GPR119: variants seen among roughly 807,000 people sequenced by gnomAD.
GPR119 encodes the protein G protein-coupled receptor 119.
In GPR119, 7 loss-of-function variants were observed where a neutral mutation model predicts 13.3. That is an observed-to-expected ratio of 0.53 (90% CI 0.30 to 0.99). GPR119 has a LOEUF of 0.99. Ranked by LOEUF, GPR119 falls within the 50% of genes least tolerant of loss-of-function variation. The probability of loss-of-function intolerance (pLI) is 0.06; values close to 1 mark genes in which losing one functional copy is unlikely to be tolerated. For synonymous variants in GPR119, 107 were observed against 112.5 expected (o/e 0.95, Z 0.31); for missense variants, 197 against 263.0 (o/e 0.75, Z 1.74).
At position 130,385,526 on chromosome X, in the gene GPR119, G is replaced by C. The variant is rs1360589142; in HGVS notation, c.-79C>G. The C allele has an allele frequency of 9.8e-6, 10 of 1,016,595 alleles. No homozygotes were observed. Among genetic ancestry groups the C allele is most frequent in the African/African-American group, 1.9e-5 (1 of 53,582 alleles). 83.8% of individuals were successfully genotyped at this position (1,016,595 alleles called of 1,213,427 possible). On this transcript the variant is annotated 5_prime_UTR_variant, in exon 1 of 2. Coordinates refer to ENST00000682440, the MANE Select transcript of GPR119 (RefSeq NM_178471.3). ...ATTCTCATGGGCCAGGGGCAGAGGA[G>C]CTGTGGGTTCAGAGCTACAGCACGA...
At position 130,381,965 on chromosome X, in the gene GPR119, C is replaced by T. The variant is rs1319323421; in HGVS notation, c.*591G>A. Among the ~76,000 whole-genome samples the T allele has an allele frequency of 9.0e-6, 1 of 111,068 alleles. No individual in the cohort carries two copies. The highest frequency in any genetic ancestry group is 3.3e-5 in the African/African-American group (1 of 30,567). On this transcript the variant is annotated 3_prime_UTR_variant, in exon 2 of 2. Coordinates refer to ENST00000682440, the MANE Select transcript of GPR119 (RefSeq NM_178471.3). ...TTTTTCCATTGCACATACTGACTCCCAGGGGTAGCAGAGTTTCTTAGATTG... is the reference window on the plus strand; with the variant it reads ...TTTTTCCATTGCACATACTGACTCCTAGGGGTAGCAGAGTTTCTTAGATTG...
rs1301775179 is a variant in GPR119, at chrX:130,385,409, G to C, written c.39C>G (p.Val13=). The C allele has an allele frequency of 8.3e-7, 1 of 1,211,311 alleles. No individual in the cohort carries two copies. The highest frequency in any genetic ancestry group is 2.3e-4 in the Middle Eastern group (1 of 4,348). Residue 13 remains valine (V), a synonymous_variant, in exon 1 of 2, where the codon GTC becomes GTG. Transcript: ENST00000682440. ...SSFSFGVILA[V]LASLIIATNT... ...TAGTAGCAATGATGAGGGAGGCCAG[G>C]ACAGCAAGGATCACTCCAAATGAGA...
chrX:130,382,463 C>CAAA lies in GPR119; in HGVS notation c.*90_*92dup, dbSNP rs1207517577. Among the ~76,000 whole-genome samples the CAAA allele has an allele frequency of 9.0e-6, 1 of 111,618 alleles. No homozygotes were observed. Among genetic ancestry groups the CAAA allele is most frequent in the African/African-American group, 3.3e-5 (1 of 30,698 alleles). Reference sequence around the variant, plus strand: ...TGGGTTCCATCGTCCACTTGAGAGTCAAAAAGTTCTTCAGTTGTAGGAACA... The same window carrying CAAA: ...TGGGTTCCATCGTCCACTTGAGAGTCAAAAAAAAGTTCTTCAGTTGTAGGAACA... On this transcript the variant is annotated 3_prime_UTR_variant, in exon 2 of 2. Coordinates refer to ENST00000682440, the MANE Select transcript of GPR119 (RefSeq NM_178471.3).
Position 130,381,600 on chromosome X carries a change from T to C in GPR119, c.*956A>G, listed in dbSNP as rs1312869398. On this transcript the variant is annotated 3_prime_UTR_variant, in exon 2 of 2. Coordinates refer to ENST00000682440, the MANE Select transcript of GPR119 (RefSeq NM_178471.3). ...TGAATCACCTCTCATCACTCATTTT[T>C]AAAAATCTTATTCAGAGGTTGAGGA... is the stretch of plus-strand genomic sequence containing the variant. 2.7e-5 allele frequency among the ~76,000 whole-genome samples: 3 copies of C among 112,082 alleles called. No homozygotes were observed. The highest frequency in any genetic ancestry group is 5.6e-5 in the Non-Finnish European group (3 of 53,270).
At chrX:130,383,663 T>C (rs182471245) in intron 1 of GPR119, among the ~76,000 whole-genome samples, 69 of 112,831 alleles carry the variant, frequency 6.1e-4, no homozygotes, top group Admixed American at 5.6e-3. Flanking sequence ...TTTAGAGGAA[T>C]TGAGGTTTCT....
rs899982415 is a variant in GPR119 at position 130,385,507 on chromosome X, A to G, written c.-60T>C. Reference sequence around the variant, plus strand: ...TGCTATCTCTCCAGCTGAAATTCTCATGGGCCAGGGGCAGAGGAGCTGTGG... The same window carrying G: ...TGCTATCTCTCCAGCTGAAATTCTCGTGGGCCAGGGGCAGAGGAGCTGTGG... On this transcript the variant is annotated 5_prime_UTR_variant, in exon 1 of 2. It removes an upstream start codon present in the reference 5' UTR. Transcript: ENST00000682440. 88 of 1,095,109 alleles carry G rather than the reference A, an allele frequency of 8.0e-5. No homozygotes were observed. Among genetic ancestry groups the G allele is most frequent in the Non-Finnish European group, 1.1e-4 (86 of 800,721 alleles). 90.2% of individuals were successfully genotyped at this position (1,095,109 alleles called of 1,213,427 possible).
At chrX:130,383,233 G>C (rs1406572161) in intron 1 of GPR119, among the ~76,000 whole-genome samples, 1 of 111,946 alleles carries the variant, frequency 8.9e-6, no homozygotes, top group Non-Finnish European at 1.9e-5. Context: ...TGCCCAGAGG[G>C]AAACTGAGCA....
In GPR119 at chrX:130,385,307, C is replaced by T. The variant is rs143653619; in HGVS notation, c.141G>A (p.Leu47=). The T allele has an allele frequency of 2.0e-4, 239 of 1,210,623 alleles. No homozygotes were observed. Among genetic ancestry groups the T allele is most frequent in the Middle Eastern group, 9.2e-4 (4 of 4,369 alleles). The change falls in exon 1 of 2, where the codon CTG becomes CTA. Residue 47 remains leucine, a synonymous_variant. Coordinates refer to ENST00000682440, the MANE Select transcript of GPR119 (RefSeq NM_178471.3). ...DGVSLCFTLN[L]AVADTLIGVA... Reference sequence around the variant, plus strand: ...CACCAATCAAGGTGTCAGCCACAGCCAGATTCAAGGTGAAGCAGAGACTGA... The same window carrying T: ...CACCAATCAAGGTGTCAGCCACAGCTAGATTCAAGGTGAAGCAGAGACTGA...
rs1230799207 is a variant in GPR119, at chrX:130,384,721, T to C, written c.727A>G (p.Ile243Val). ...CAGGCCACCTGCACAATGCCAGTGA[T>C]AAGGAAGGGGGTCCAGGATAGAGCA... The part of the protein sequence containing the change: ...SFALSWTPFL[I>V]TGIVQVACQE... The change falls in exon 1 of 2, where the codon ATC becomes GTC. Residue 243 changes from isoleucine to valine, a missense_variant. Physicochemically the swap from Ile to Val is conservative, Grantham distance 29 (BLOSUM62 3). Coordinates refer to ENST00000682440, the MANE Select transcript of GPR119 (RefSeq NM_178471.3). The C allele has an allele frequency of 8.3e-7, 1 of 1,209,764 alleles. No individual in the cohort carries two copies. The highest frequency in any genetic ancestry group is 1.1e-6 in the Non-Finnish European group (1 of 895,190).
chrX:130,382,761 A>G (rs767527312), intron 1 of GPR119, among the ~76,000 whole-genome samples: 3 of 111,274 alleles, frequency 2.7e-5, no homozygotes, highest in Non-Finnish European at 5.7e-5. Context: ...GAATTAAGAA[A>G]ATCCGAGTGC....
intron 1 of GPR119, among the ~76,000 whole-genome samples, chrX:130,382,894 C>T (rs1306582598): frequency 2.7e-5 from 3 of 111,159 alleles, no homozygotes; most frequent in South Asian, 7.7e-4. Context: ...AGCCATTACA[C>T]GTTGGATTCA....
At position 130,380,348 on chromosome X, in the gene GPR119, T is replaced by C. The variant is rs2034353342; in HGVS notation, c.*2208A>G. On this transcript the variant is annotated 3_prime_UTR_variant, in exon 2 of 2. Coordinates refer to ENST00000682440, the MANE Select transcript of GPR119 (RefSeq NM_178471.3). ...GGAGAAGATATCCCAAGGCTATCTC[T>C]GGCTGACACTGGACATATGGACAAG... 1.8e-5 allele frequency among the ~76,000 whole-genome samples: 2 copies of C among 112,317 alleles called. No individual in the cohort carries two copies. Among genetic ancestry groups the C allele is most frequent in the South Asian group, 7.5e-4 (2 of 2,683 alleles).
Position 130,381,987 on chromosome X carries a change from A to G in GPR119, c.*569T>C, listed in dbSNP as rs2034360745. 9.0e-6 allele frequency among the ~76,000 whole-genome samples: 1 copy of G among 110,907 alleles called. No individual in the cohort carries two copies. The highest frequency in any genetic ancestry group is 3.3e-5 in the African/African-American group (1 of 30,485). ...TCCCAGGGGTAGCAGAGTTTCTTAG[A>G]TTGAACCTAATAACACACTGATCAC... is the stretch of plus-strand genomic sequence containing the variant. On this transcript the variant is annotated 3_prime_UTR_variant, in exon 2 of 2. Transcript: ENST00000682440.
rs528824037 is a variant in GPR119 at position 130,381,027 on chromosome X, G to A, written c.*1529C>T. On this transcript the variant is annotated 3_prime_UTR_variant, in exon 2 of 2. Transcript: ENST00000682440. ...GTATGAATGAAATCTAAACGTTTCC[G>A]GTACATTCCCTTATCTGTGAAGGAG... is the stretch of plus-strand genomic sequence containing the variant. Among the ~76,000 whole-genome samples, 85 of 111,534 alleles carry A rather than the reference G, an allele frequency of 7.6e-4. 3 individuals carry two copies. The South Asian group carries it at 0.032, about 42-fold the overall frequency.
rs750313300 is a variant in GPR119 at position 130,384,663 on chromosome X, C to T, written c.785G>A (p.Arg262Gln). Residue 262 changes from arginine to glutamine, a missense_variant, in exon 1 of 2, where the codon CGG (arginine) becomes CAG (glutamine). Physicochemically the swap from Arg to Gln is conservative, Grantham distance 43. Coordinates refer to ENST00000682440, the MANE Select transcript of GPR119 (RefSeq NM_178471.3). ...GCCCACGCCGAGCAGCCACAGGTAC[C>T]GTTCCAGCACTAGGTAGAGGTGACA... Reference protein sequence around the residue: ...QECHLYLVLERYLWLLGVGNS... With the variant: ...QECHLYLVLEQYLWLLGVGNS... The T allele has an allele frequency of 5.8e-6, 7 of 1,210,005 alleles. No individual in the cohort carries two copies. Among genetic ancestry groups the T allele is most frequent in the African/African-American group, 3.5e-5 (2 of 57,178 alleles).
chrX:130,384,811 G>T lies in GPR119; in HGVS notation c.637C>A (p.Arg213=). ...AAGTCGCTGGGAGTCCGTGGGGATC[G>T]ATAACCTCCAGCCATGGCTCCTGCA... ...EHAGAMAGGY[R]SPRTPSDFKA... Residue 213 remains arginine (R), a synonymous_variant, in exon 1 of 2, where the codon CGA becomes AGA. Transcript: ENST00000682440. The T allele has an allele frequency of 3.3e-6, 4 of 1,211,871 alleles. No homozygotes were observed. The highest frequency in any genetic ancestry group is 4.5e-6 in the Non-Finnish European group (4 of 895,509).
In GPR119 at chrX:130,380,005, A is replaced by T. The variant is rs1443810797; in HGVS notation, c.*2551T>A. ...TTGTAGGCACCATCATTGAATTTAT[A>T]AGATTGCAGAAATAACAAGTGAAGA... On this transcript the variant is annotated 3_prime_UTR_variant, in exon 2 of 2. Coordinates refer to ENST00000682440, the MANE Select transcript of GPR119 (RefSeq NM_178471.3). Among the ~76,000 whole-genome samples, 1 of 112,336 alleles carries T rather than the reference A, an allele frequency of 8.9e-6. No homozygotes were observed. The highest frequency in any genetic ancestry group is 3.2e-5 in the African/African-American group (1 of 30,943).
rs5932754 is a variant in GPR119 at position 130,381,097 on chromosome X, G to T, written c.*1459C>A. Among the ~76,000 whole-genome samples the T allele has an allele frequency of 0.4, 43,369 of 109,574 alleles. 6,295 individuals carry two copies. Among genetic ancestry groups the T allele is most frequent in the Non-Finnish European group, 0.44 (23,320 of 52,471 alleles). Reference sequence around the variant, plus strand: ...TTAGACTTTTGTGTAGCATCCTGTAGCTCTGCTCTTGGTGGCTTATTAAAC... The same window carrying T: ...TTAGACTTTTGTGTAGCATCCTGTATCTCTGCTCTTGGTGGCTTATTAAAC... On this transcript the variant is annotated 3_prime_UTR_variant, in exon 2 of 2. Coordinates refer to ENST00000682440, the MANE Select transcript of GPR119 (RefSeq NM_178471.3).
At chrX:130,382,716 G>A (rs750288300) in intron 1 of GPR119, among the ~76,000 whole-genome samples, 165 bp from the exon 2 acceptor site, 2 of 111,430 alleles carry the variant, frequency 1.8e-5, no homozygotes, top group Non-Finnish European at 3.8e-5. Context: ...GAATGACTGA[G>A]GAAAGTAAGC....
Sources: allele counts gnomAD v4.1 joint callset (sites outside exome capture counted in the v4.1 genomes callset), GRCh38; gene constraint gnomAD v4.1.1; transcripts MANE v1.5; gene names NCBI Gene and HGNC (gene_info 2026-07-23, HGNC 2026-07-21).